PLCB1: variants seen among roughly 807,000 people sequenced by gnomAD.
PLCB1 encodes 1-phosphatidylinositol 4,5-bisphosphate phosphodiesterase beta-1.
Under a neutral mutation model 161.8 loss-of-function variants are expected in PLCB1, and 46 were observed. That is an observed-to-expected ratio of 0.28 (90% CI 0.22 to 0.36). PLCB1 has a LOEUF of 0.36. Ranked by LOEUF, PLCB1 falls within the 10% of genes least tolerant of loss-of-function variation. The pLI is 1.00. For missense variants in PLCB1, 1,016 were observed against 1,472.5 expected, an observed-to-expected ratio of 0.69 and a Z score of 5.07; for synonymous variants, 517 against 503.7, an observed-to-expected ratio of 1.03 and a Z score of -0.35.
intron 3 of PLCB1, among the ~76,000 whole-genome samples, chr20:8,534,618 A>G (rs1984966912): frequency 6.6e-6 from 1 of 152,092 alleles, no homozygotes; most frequent in Admixed American, 6.5e-5. Flanking sequence ...CATCTGGGAG[A>G]GAGGATCCAG....
At chr20:8,196,163 C>G (rs59108492) in intron 2 of PLCB1, among the ~76,000 whole-genome samples, 4,116 of 152,202 alleles carry the variant, frequency 0.027, 196 homozygotes, top group African/African-American at 0.091. Flanking sequence ...TATGACAACT[C>G]AAGGTGAGAT....
At chr20:8,478,729 A>G (rs1982381310) in intron 3 of PLCB1, among the ~76,000 whole-genome samples, 1 of 152,106 alleles carries the variant, frequency 6.6e-6, no homozygotes, top group Admixed American at 6.5e-5. Flanking sequence ...TCAAAATTAT[A>G]GATTGTGGTG....
At chr20:8,445,671 A>G (rs1026184743) in intron 3 of PLCB1, among the ~76,000 whole-genome samples, 5 of 152,104 alleles carry the variant, frequency 3.3e-5, no homozygotes, top group Admixed American at 6.5e-5. Context: ...GATTCTTCCT[A>G]TCCATGAGCA....
intron 3 of PLCB1, among the ~76,000 whole-genome samples, chr20:8,503,805 A>G (rs1007099080): frequency 3.5e-4 from 54 of 152,128 alleles, no homozygotes; most frequent in African/African-American, 1.2e-3. Context: ...TATATTTCTC[A>G]TGTCAATATT....
At chr20:8,369,353 A>G (rs1038491620) in intron 2 of PLCB1, among the ~76,000 whole-genome samples, 3 of 151,976 alleles carry the variant, frequency 2.0e-5, no homozygotes, top group South Asian at 2.1e-4. Flanking sequence ...CTTATTTCCC[A>G]TCTTCTAGAT....
chr20:8,573,134 C>A (rs550098404), intron 3 of PLCB1, among the ~76,000 whole-genome samples: 1 of 152,106 alleles, frequency 6.6e-6, no homozygotes, highest in Admixed American at 6.5e-5. Context: ...CATTAGAAGA[C>A]AATAGTTAAA....
intron 4 of PLCB1, among the ~76,000 whole-genome samples, chr20:8,629,960 TTTC>T (rs1444624896): frequency 0.03 from 3,475 of 114,086 alleles, 228 homozygotes; most frequent in African/African-American, 0.13. Context: ...CTTTTCTTTC[TTTC>T]TTCTTTCTTT....
At chr20:8,244,796 G>A (rs558922167) in intron 2 of PLCB1, among the ~76,000 whole-genome samples, 14 of 151,962 alleles carry the variant, frequency 9.2e-5, no homozygotes, top group African/African-American at 3.4e-4. Context: ...CAATTCCACA[G>A]AGAAGAGAGA....
chr20:8,797,371 A>G (rs562660396), intron 31 of PLCB1, among the ~76,000 whole-genome samples: 1 of 151,476 alleles, frequency 6.6e-6, no homozygotes, highest in Non-Finnish European at 1.5e-5. Flanking sequence ...ATGAAAGCAA[A>G]TATGGCTTCT....
intron 3 of PLCB1, among the ~76,000 whole-genome samples, chr20:8,372,474 T>G (rs770577848): frequency 6.6e-6 from 1 of 151,610 alleles, no homozygotes; most frequent in East Asian, 1.9e-4. Context: ...TTTTATTTTA[T>G]TTGCTGAAAG....
chr20:8,522,569 A>C (rs967553191), intron 3 of PLCB1, among the ~76,000 whole-genome samples: 1 of 152,174 alleles, frequency 6.6e-6, no homozygotes, highest in African/African-American at 2.4e-5. Context: ...GAACCCAGAA[A>C]AGACAAATTA....
intron 2 of PLCB1, among the ~76,000 whole-genome samples, chr20:8,351,779 A>C (rs1276304536): frequency 2.0e-5 from 3 of 152,106 alleles, no homozygotes; most frequent in Non-Finnish European, 4.4e-5. Context: ...TGCAATTGAA[A>C]ACCCCAATGA....
intron 2 of PLCB1, among the ~76,000 whole-genome samples, chr20:8,208,633 A>C: frequency 6.6e-6 from 1 of 151,954 alleles, no homozygotes; most frequent in East Asian, 1.9e-4. Flanking sequence ...CCTAGATGTC[A>C]TGTGGAGTGC....
intron 3 of PLCB1, among the ~76,000 whole-genome samples, chr20:8,431,110 T>A (rs1980021056): frequency 6.6e-6 from 1 of 152,122 alleles, no homozygotes; most frequent in South Asian, 2.1e-4. Context: ...TATTATACAT[T>A]AACAAACTTA....
At position 8,851,762 on chromosome 20, in the gene PLCB1, T is replaced by C. The variant is rs1160230674; in HGVS notation, c.3424-29860T>C. 3.3e-5 allele frequency among the ~76,000 whole-genome samples: 5 copies of C among 151,936 alleles called. No individual in the cohort carries two copies. In the East Asian group the frequency reaches 9.6e-4, roughly 29 times the overall value. Reference sequence around the variant, plus strand: ...TTTTTTTTCATTCTGAGTGTCATCATTTAGGAGACTCACACAAAAGTAAGA... The same window carrying C: ...TTTTTTTTCATTCTGAGTGTCATCACTTAGGAGACTCACACAAAAGTAAGA... On this transcript the variant is annotated intron_variant, in intron 31 of 31. Transcript: ENST00000338037.
rs1287716729 is a variant in PLCB1 at position 8,733,406 on chromosome 20, A to G, written c.2043+14A>G. 1.2e-6 allele frequency: 2 copies of G among 1,610,828 alleles called. No homozygotes were observed. The highest frequency in any genetic ancestry group is 1.7e-5 in the Admixed American group (1 of 59,996). On this transcript the variant is annotated intron_variant, in intron 19 of 31. Coordinates refer to ENST00000338037, the MANE Select transcript of PLCB1 (RefSeq NM_015192.4). ...TTGTCTGTTAAGGTAGGTATACCCC[A>G]TCACAAAATTGTTCCTAACAATAGT...
chr20:8,184,004 T>G (rs922948798), intron 2 of PLCB1, among the ~76,000 whole-genome samples: 1 of 152,132 alleles, frequency 6.6e-6, no homozygotes, highest in Non-Finnish European at 1.5e-5. Flanking sequence ...TCAATATGTT[T>G]TTGGGGTAAT....
chr20:8,649,153 TA>T (rs1989244508), intron 6 of PLCB1, among the ~76,000 whole-genome samples: 1 of 152,218 alleles, frequency 6.6e-6, no homozygotes, highest in Non-Finnish European at 1.5e-5. Context: ...ACCATAATCC[TA>T]AAATACTGAT....
intron 9 of PLCB1, among the ~76,000 whole-genome samples, chr20:8,666,815 G>A (rs4347922): frequency 0.6 from 91,075 of 151,786 alleles, 28,000 homozygotes; most frequent in African/African-American, 0.73. Flanking sequence ...AAAGGCCAAT[G>A]TGTAGGGAAA....
Sources: gnomAD v4.1 joint callset for allele counts (sites outside exome capture counted in the v4.1 genomes callset) on GRCh38, gnomAD v4.1.1 for gene constraint, MANE v1.5 for transcripts, NCBI Gene and HGNC (gene_info 2026-07-23, HGNC 2026-07-21) for gene names.